Variants in HS6ST2 observed in about 807,000 individuals in gnomAD.
The protein encoded by HS6ST2 is heparan-sulfate 6-O-sulfotransferase 2.
A neutral mutation model predicts 33.0 loss-of-function variants in HS6ST2; 17 were observed. That is an observed-to-expected ratio of 0.52 (90% CI 0.35 to 0.77). The LOEUF (loss-of-function observed/expected upper bound fraction) is 0.77, where lower values mean the gene tolerates loss of function less well. Among genes scored for constraint, HS6ST2 ranks in the 30% least tolerant of loss-of-function variants. HS6ST2 has a pLI of 0.01. For missense variants in HS6ST2, 519 were observed against 551.7 expected, an observed-to-expected ratio of 0.94 and a Z score of 0.59; for synonymous variants, 248 against 237.1, an observed-to-expected ratio of 1.05 and a Z score of -0.42.
chrX:132,716,897 C>T (rs1255852114), intron 2 of HS6ST2, among the ~76,000 whole-genome samples: 1 of 112,184 alleles, frequency 8.9e-6, no homozygotes, highest in African/African-American at 3.2e-5. Flanking sequence ...TTCATTGTAT[C>T]TTTTACACAG....
rs1413454789 is a variant in HS6ST2, at chrX:132,956,748, G to A, written c.947+60C>T. On this transcript the variant is annotated intron_variant, in intron 2 of 4. Transcript: ENST00000370833. ...TAGGTCCCCGGCTTGGGCCAGCCGCGCCTCCCAGCCCTCCGCCCGCCTAGG... is the reference window on the plus strand; with the variant it reads ...TAGGTCCCCGGCTTGGGCCAGCCGCACCTCCCAGCCCTCCGCCCGCCTAGG... The A allele has an allele frequency of 2.3e-5, 25 of 1,092,491 alleles. No homozygotes were observed. The South Asian group carries it at 3.5e-4, about 15-fold the overall frequency. 90.0% of individuals were successfully genotyped at this position (1,092,491 alleles called of 1,213,427 possible).
At chrX:132,719,224 G>A (rs1224109762) in intron 2 of HS6ST2, among the ~76,000 whole-genome samples, 1 of 111,741 alleles carries the variant, frequency 8.9e-6, no homozygotes, top group Non-Finnish European at 1.9e-5. Flanking sequence ...AGACCATCAA[G>A]CCCAAACTCT....
chrX:132,881,879 G>C (rs1236612254), intron 2 of HS6ST2, among the ~76,000 whole-genome samples: 2 of 111,708 alleles, frequency 1.8e-5, no homozygotes, highest in Admixed American at 9.5e-5. Context: ...TATTAAATAG[G>C]GAATCCCTTC....
intron 4 of HS6ST2, among the ~76,000 whole-genome samples, chrX:132,637,712 C>T (rs1454805146): frequency 1.2e-5 from 1 of 82,909 alleles, no homozygotes; most frequent in Non-Finnish European, 2.2e-5. Flanking sequence ...TTCTATTATA[C>T]CTGTAGCATA....
At chrX:132,856,077 A>C (rs183218099) in intron 2 of HS6ST2, among the ~76,000 whole-genome samples, 33 of 111,782 alleles carry the variant, frequency 3.0e-4, no homozygotes, top group Admixed American at 1.1e-3. Context: ...TATGCATTCC[A>C]AAAGGAACAC....
At chrX:132,787,167 G>GTGTATATATATATATATA (rs1405731624) in intron 2 of HS6ST2, among the ~76,000 whole-genome samples, 6 of 51,375 alleles carry the variant, frequency 1.2e-4, no homozygotes, top group Non-Finnish European at 2.0e-4. Context: ...ATATATATAT[G>GTGTATATATATATATATA]TATATATATA....
intron 2 of HS6ST2, among the ~76,000 whole-genome samples, chrX:132,740,912 G>A (rs923802366): frequency 1.8e-5 from 2 of 112,271 alleles, no homozygotes; most frequent in South Asian, 7.5e-4. Context: ...ATTATAGACA[G>A]TGACACAGAC....
chrX:132,751,002 C>A (rs922182228), intron 2 of HS6ST2, among the ~76,000 whole-genome samples: 3 of 112,201 alleles, frequency 2.7e-5, no homozygotes, highest in African/African-American at 9.7e-5. Flanking sequence ...GGCACAGACT[C>A]TAATCCAAAA....
chrX:132,712,770 A>T (rs2064242336), intron 2 of HS6ST2, among the ~76,000 whole-genome samples: 1 of 111,897 alleles, frequency 8.9e-6, no homozygotes, highest in Non-Finnish European at 1.9e-5. Context: ...TCACGCCTGT[A>T]ATCCCAGCAC....
rs150895440 is a variant in HS6ST2, at chrX:132,703,735, A to C, written c.980+4727T>G. ...ATGTAAAACCCCAAAGCAATTCAAT[A>C]TTTACTAAATTTAAAGGAAGTAATC... On this transcript the variant is annotated intron_variant, in intron 3 of 4. Transcript: ENST00000370833. 5.9e-3 allele frequency among the ~76,000 whole-genome samples: 664 copies of C among 112,170 alleles called. 17 individuals are homozygous for C. In the East Asian group the frequency reaches 0.092, roughly 16 times the overall value.
intron 2 of HS6ST2, 94 bp downstream of exon 2, chrX:132,956,714 G>A (rs1344186979): frequency 9.9e-7 from 1 of 1,014,679 alleles, no homozygotes; most frequent in South Asian, 2.6e-5. Context: ...CGGGCGTCAG[G>A]GTGCGCGCTA....
rs2065074295 is a variant in HS6ST2, at chrX:132,787,196, T to TAC, written c.948-78703_948-78702insGT. Among the ~76,000 whole-genome samples the TAC allele has an allele frequency of 2.4e-5, 2 of 82,308 alleles. 1 individual carries two copies. The highest frequency in any genetic ancestry group is 2.9e-4 in the Admixed American group (2 of 7,002). The allele number at this position is 82,308 out of a possible 115,157, so 71.5% of individuals were successfully genotyped here. A position where few individuals can be genotyped will look rare whatever the true frequency, so the allele number is the denominator to read the frequency against. The stretch of plus-strand genomic sequence containing the variant: ...ATATATATATATATATACATATATA[T>TAC]ATACACATATATATATACACATATA... On this transcript the variant is annotated intron_variant, in intron 2 of 4. Coordinates refer to ENST00000370833, the MANE Select transcript of HS6ST2 (RefSeq NM_001394073.1).
intron 2 of HS6ST2, among the ~76,000 whole-genome samples, chrX:132,736,149 G>A (rs772096000): frequency 6.3e-5 from 7 of 111,571 alleles, no homozygotes; most frequent in Non-Finnish European, 1.3e-4. Context: ...CCGGACAACT[G>A]CAACTGTGTT....
chrX:132,914,176 G>T (rs2066562805), intron 2 of HS6ST2, among the ~76,000 whole-genome samples: 1 of 112,536 alleles, frequency 8.9e-6, no homozygotes, highest in Non-Finnish European at 1.9e-5. Flanking sequence ...AACCCATTCT[G>T]CTCTCCCAGA....
chrX:132,861,063 G>T (rs1388789765), intron 2 of HS6ST2, among the ~76,000 whole-genome samples: 1 of 110,737 alleles, frequency 9.0e-6, no homozygotes, highest in African/African-American at 3.3e-5. Flanking sequence ...TAAGTGCTGG[G>T]ATTACAGGCA....
chrX:132,729,235 C>T (rs1211790282), intron 2 of HS6ST2, among the ~76,000 whole-genome samples: 12 of 112,373 alleles, frequency 1.1e-4, no homozygotes, highest in Non-Finnish European at 5.6e-5. Flanking sequence ...GAATTTCAAA[C>T]ACTTTTAGAA....
chrX:132,708,519 T>G, intron 2 of HS6ST2, 25 bp from the exon 3 acceptor site: 1 of 1,163,800 alleles, frequency 8.6e-7, no homozygotes, highest in East Asian at 3.1e-5. Context: ...GTAAAACCAG[T>G]CGCTAGCAAG....
chrX:132,942,113 G>A (rs1306208299), intron 2 of HS6ST2, among the ~76,000 whole-genome samples: 1 of 111,011 alleles, frequency 9.0e-6, no homozygotes, highest in Admixed American at 9.6e-5. Flanking sequence ...TCTGGAGCTG[G>A]CCTATTATAC....
intron 2 of HS6ST2, among the ~76,000 whole-genome samples, chrX:132,883,958 A>G (rs148619544): frequency 1.8e-5 from 2 of 111,864 alleles, no homozygotes; most frequent in Non-Finnish European, 3.8e-5. Flanking sequence ...CTTGATGTTA[A>G]ATGTTAATTT....
Sources: gnomAD v4.1 joint callset for allele counts (sites outside exome capture counted in the v4.1 genomes callset) on GRCh38, gnomAD v4.1.1 for gene constraint, MANE v1.5 for transcripts, NCBI Gene and HGNC (gene_info 2026-07-23, HGNC 2026-07-21) for gene names.